The following CADM1 variants were observed in gnomAD, a reference collection of about 807,000 sequenced individuals.
CADM1 encodes the protein cell adhesion molecule 1, also known as TSLC-1.
In CADM1, 15 loss-of-function variants were observed where a neutral mutation model predicts 53.1. The observed-to-expected ratio is 0.28, with a 90% CI of 0.19 to 0.44. The LOEUF (loss-of-function observed/expected upper bound fraction) is 0.44. CADM1 is among the 20% of genes least tolerant of loss of function. The pLI is 1.00. For missense variants in CADM1, 434 were observed against 611.3 expected (o/e 0.71, Z 3.06); for synonymous variants, 281 against 243.0 (o/e 1.16, Z -1.45).
At chr11:115,180,714 T>G (rs753073800) in intron 10 of CADM1, among the ~76,000 whole-genome samples, 2 of 151,982 alleles carry the variant, frequency 1.3e-5, no homozygotes, top group Non-Finnish European at 2.9e-5. Context: ...GGGTGTCTGC[T>G]GGAGGAGAGC....
At chr11:115,499,655 T>G (rs1309108397) in intron 1 of CADM1, among the ~76,000 whole-genome samples, 1 of 152,264 alleles carries the variant, frequency 6.6e-6, no homozygotes, top group Admixed American at 6.5e-5. Flanking sequence ...CCTGTCCCTA[T>G]CCAGGATCTG....
At chr11:115,378,144 G>C (rs1025617914) in intron 1 of CADM1, among the ~76,000 whole-genome samples, 1 of 152,064 alleles carries the variant, frequency 6.6e-6, no homozygotes, top group Non-Finnish European at 1.5e-5. Flanking sequence ...CAAGTTTTCA[G>C]GGCCAACAAC....
At chr11:115,425,573 A>G (rs1450255821) in intron 1 of CADM1, among the ~76,000 whole-genome samples, 3 of 152,222 alleles carry the variant, frequency 2.0e-5, no homozygotes, top group Non-Finnish European at 4.4e-5. Context: ...TGGGCATTAA[A>G]TACTGTTATT....
chr11:115,192,511 A>G (rs1194805335), intron 9 of CADM1, among the ~76,000 whole-genome samples: 2 of 152,250 alleles, frequency 1.3e-5, no homozygotes, highest in African/African-American at 4.8e-5. Context: ...AGACTGATGA[A>G]TACAATTATT....
At chr11:115,410,371 C>T (rs993135768) in intron 1 of CADM1, among the ~76,000 whole-genome samples, 12 of 152,200 alleles carry the variant, frequency 7.9e-5, no homozygotes, top group African/African-American at 2.4e-4. Context: ...AATAACGTAA[C>T]TTACTTCTAT....
At chr11:115,225,316 G>A (rs1234544521) in intron 5 of CADM1, among the ~76,000 whole-genome samples, 1 of 151,030 alleles carries the variant, frequency 6.6e-6, no homozygotes, top group East Asian at 1.9e-4. Context: ...ATAAAAAAGG[G>A]GGGGGGACTT....
intron 1 of CADM1, among the ~76,000 whole-genome samples, chr11:115,290,948 A>G (rs1943882307): frequency 1.3e-5 from 2 of 152,168 alleles, no homozygotes; most frequent in Non-Finnish European, 2.9e-5. Flanking sequence ...AACATCTCCA[A>G]ATAGAATAGC....
intron 1 of CADM1, among the ~76,000 whole-genome samples, chr11:115,401,395 T>G (rs1365401288): frequency 2.0e-5 from 3 of 151,716 alleles, no homozygotes; most frequent in Non-Finnish European, 2.9e-5. Context: ...GATCACGAGG[T>G]CAGGAGTTTC....
At chr11:115,253,912 G>C (rs1371930442) in intron 1 of CADM1, among the ~76,000 whole-genome samples, 3 of 152,070 alleles carry the variant, frequency 2.0e-5, no homozygotes, top group African/African-American at 7.2e-5. Context: ...TTTTGATCTG[G>C]GTTCAATCCT....
At chr11:115,294,095 A>G (rs143611787) in intron 1 of CADM1, among the ~76,000 whole-genome samples, 25 of 152,330 alleles carry the variant, frequency 1.6e-4, no homozygotes, top group Admixed American at 2.6e-4. Context: ...TCAGCAGTGC[A>G]GGTAATAACC....
chr11:115,388,251 G>A (rs983630881), intron 1 of CADM1, among the ~76,000 whole-genome samples: 1 of 151,922 alleles, frequency 6.6e-6, no homozygotes, highest in Non-Finnish European at 1.5e-5. Flanking sequence ...GAGAGTGGGT[G>A]GGTGGATGGG....
At chr11:115,199,862 G>A (rs1940336638) in intron 8 of CADM1, among the ~76,000 whole-genome samples, 1 of 152,218 alleles carries the variant, frequency 6.6e-6, no homozygotes. Flanking sequence ...GCTGGCAATT[G>A]CTTTCATGAG....
intron 1 of CADM1, among the ~76,000 whole-genome samples, chr11:115,289,837 C>T (rs973187695): frequency 2.8e-4 from 43 of 152,100 alleles, no homozygotes; most frequent in Middle Eastern, 3.4e-3. Flanking sequence ...CCTCGTGATC[C>T]GCCCGCCTCG....
chr11:115,486,833 C>T (rs763898733), intron 1 of CADM1, among the ~76,000 whole-genome samples: 3 of 151,772 alleles, frequency 2.0e-5, no homozygotes, highest in Non-Finnish European at 4.4e-5. Flanking sequence ...CCCATATTTT[C>T]GAGACTTTGT....
chr11:115,216,472 A>AT (rs571330673), intron 6 of CADM1, among the ~76,000 whole-genome samples: 7 of 151,924 alleles, frequency 4.6e-5, no homozygotes, highest in South Asian at 2.1e-4. Flanking sequence ...GCCTCTGAGA[A>AT]TTTTTTTTTC....
At chr11:115,194,900 G>A (rs1017651298) in intron 9 of CADM1, among the ~76,000 whole-genome samples, 12 of 152,236 alleles carry the variant, frequency 7.9e-5, no homozygotes, top group Non-Finnish European at 1.5e-4. Flanking sequence ...ACCATCACAC[G>A]CACCCACACA....
At chr11:115,338,581 C>T (rs1945328480) in intron 1 of CADM1, among the ~76,000 whole-genome samples, 1 of 152,082 alleles carries the variant, frequency 6.6e-6, no homozygotes, top group Admixed American at 6.6e-5. Flanking sequence ...ATCACTTCAG[C>T]CTTTGGAAGG....
At chr11:115,361,115 G>T (rs1405943097) in intron 1 of CADM1, among the ~76,000 whole-genome samples, 1 of 151,994 alleles carries the variant, frequency 6.6e-6, no homozygotes, top group Non-Finnish European at 1.5e-5. Context: ...GGGGAAAGAG[G>T]TTGCTAAAGA....
At chr11:115,214,534 C>A in intron 7 of CADM1, 74 bp downstream of exon 7, 1 of 1,453,732 alleles carries the variant, frequency 6.9e-7, no homozygotes, top group Non-Finnish European at 9.7e-7. Flanking sequence ...TGACCAAAAG[C>A]TTTGAGAGTA....
Sources: gnomAD v4.1 joint callset for allele counts (sites outside exome capture counted in the v4.1 genomes callset) on GRCh38, gnomAD v4.1.1 for gene constraint, MANE v1.5 for transcripts, NCBI Gene and HGNC (gene_info 2026-07-23, HGNC 2026-07-21) for gene names.